TNRC6B: variants seen among roughly 807,000 people sequenced by gnomAD.
TNRC6B encodes the protein trinucleotide repeat-containing gene 6B protein.
TNRC6B carries 52 observed loss-of-function variants against 203.6 expected under a neutral mutation model. The ratio of observed to expected loss-of-function variants is 0.26; its 90% CI spans 0.20 to 0.32. The LOEUF is 0.32. Ranked by LOEUF, TNRC6B falls within the 10% of genes least tolerant of loss-of-function variation. TNRC6B has a pLI of 1.00. For synonymous variants in TNRC6B, 838 were observed against 845.7 expected (o/e 0.99, Z 0.16); for missense variants, 1,923 against 2,286.2 (o/e 0.84, Z 3.24).
chr22:40,209,511 C>T (rs924170214), intron 1 of TNRC6B, among the ~76,000 whole-genome samples: 1 of 152,166 alleles, frequency 6.6e-6, no homozygotes, highest in Admixed American at 6.5e-5. Context: ...CTCTGAACCT[C>T]GGTTCAGGAC....
intron 11 of TNRC6B, among the ~76,000 whole-genome samples, chr22:40,283,410 G>C (rs913932339): frequency 2.0e-5 from 3 of 152,154 alleles, no homozygotes; most frequent in African/African-American, 7.2e-5. Context: ...CCTAGCCTCA[G>C]CCTCCCAAAA....
At chr22:40,318,996 C>T (rs1171402485) in intron 21 of TNRC6B, among the ~76,000 whole-genome samples, 2 of 151,784 alleles carry the variant, frequency 1.3e-5, no homozygotes, top group African/African-American at 4.8e-5. Context: ...CGCTTGAACC[C>T]GGGGGTGAAG....
At chr22:40,188,762 A>T (rs933752013) in intron 1 of TNRC6B, among the ~76,000 whole-genome samples, 1 of 152,114 alleles carries the variant, frequency 6.6e-6, no homozygotes, top group African/African-American at 2.4e-5. Context: ...GCTCTACTAT[A>T]AAAAATTCAA....
chr22:40,151,494 C>A (rs2068753034), intron 3 of TNRC6B, among the ~76,000 whole-genome samples: 1 of 137,186 alleles, frequency 7.3e-6, no homozygotes, highest in Non-Finnish European at 1.5e-5. Flanking sequence ...GAGCTGAGAT[C>A]ATGCTACTAC....
At chr22:40,049,760 A>G (rs1371516923) in intron 1 of TNRC6B, among the ~76,000 whole-genome samples, 3 of 151,952 alleles carry the variant, frequency 2.0e-5, no homozygotes, top group African/African-American at 7.3e-5. Context: ...CACACCACCA[A>G]ATCTGGCTAA....
chr22:40,256,771 AG>A (rs2070285418), intron 3 of TNRC6B, among the ~76,000 whole-genome samples: 1 of 152,232 alleles, frequency 6.6e-6, no homozygotes, highest in African/African-American at 2.4e-5. Context: ...AAGCCCACAC[AG>A]GAAGAGGAAA....
At position 40,053,016 on chromosome 22, in the gene TNRC6B, T is replaced by C. The variant is rs192454936; in HGVS notation, c.-121+8018T>C. ...GGTGTATATGGTATATTTGCTTGGTTGTCTTCATGGGAGCATTTCACCATC... is the reference window on the plus strand; with the variant it reads ...GGTGTATATGGTATATTTGCTTGGTCGTCTTCATGGGAGCATTTCACCATC... On this transcript the variant is annotated intron_variant, in intron 1 of 23. Transcript: ENST00000301923. Among the ~76,000 whole-genome samples the C allele has an allele frequency of 1.9e-3, 283 of 152,296 alleles. 2 individuals are homozygous for C. Among genetic ancestry groups the C allele is most frequent in the Middle Eastern group, 0.014 (4 of 294 alleles).
chr22:40,290,227 AATTTT>A (rs2070851444), intron 12 of TNRC6B, among the ~76,000 whole-genome samples: 1 of 152,212 alleles, frequency 6.6e-6, no homozygotes, highest in Admixed American at 6.5e-5. Flanking sequence ...CTGAATTTTA[AATTTT>A]ATTTTAATTA....
chr22:40,056,811 A>AAG (rs2067800553), intron 1 of TNRC6B, among the ~76,000 whole-genome samples: 1 of 148,332 alleles, frequency 6.7e-6, no homozygotes, highest in Admixed American at 6.6e-5. Flanking sequence ...AAAAAAAAAA[A>AAG]AAAGAAAGAA....
intron 1 of TNRC6B, among the ~76,000 whole-genome samples, chr22:40,210,273 A>C (rs966348469): frequency 6.6e-6 from 1 of 152,196 alleles, no homozygotes; most frequent in African/African-American, 2.4e-5. Flanking sequence ...AAGTGAGATG[A>C]GACAGACAGT....
At chr22:40,081,887 C>T (rs2146289769) in intron 1 of TNRC6B, among the ~76,000 whole-genome samples, 1 of 151,876 alleles carries the variant, frequency 6.6e-6, no homozygotes, top group South Asian at 2.1e-4. Flanking sequence ...AACAACTGTC[C>T]TCAGAACTCT....
intron 1 of TNRC6B, among the ~76,000 whole-genome samples, chr22:40,103,176 G>T (rs1338477573): frequency 1.3e-5 from 2 of 151,980 alleles, no homozygotes; most frequent in African/African-American, 2.4e-5. Context: ...GCTGAGGTAG[G>T]AGAATGGCTT....
intron 3 of TNRC6B, among the ~76,000 whole-genome samples, chr22:40,252,228 G>T (rs768606347): frequency 6.6e-6 from 1 of 152,136 alleles, no homozygotes; most frequent in East Asian, 1.9e-4. Flanking sequence ...GCATAAAATC[G>T]TCAAAATATG....
At chr22:40,256,474 C>G (rs2070279767) in intron 3 of TNRC6B, among the ~76,000 whole-genome samples, 1 of 152,098 alleles carries the variant, frequency 6.6e-6, no homozygotes, top group Non-Finnish European at 1.5e-5. Context: ...TTTGTACTGC[C>G]CATGAGCTAA....
rs1001749889 is a variant in TNRC6B at position 40,329,080 on chromosome 22, C to T, written c.*5839C>T. On this transcript the variant is annotated 3_prime_UTR_variant, in exon 23 of 23. Coordinates refer to ENST00000454349, the MANE Select transcript of TNRC6B (RefSeq NM_001162501.2). ...TTGTTCTTTAATTGTGTTTTTCCTC[C>T]TGTGAGTGGACAACTAAAGCCGCGT... 7 of 152,188 alleles carry T rather than the reference C, an allele frequency of 4.6e-5. No homozygotes were observed. The highest frequency in any genetic ancestry group is 2.1e-4 in the South Asian group (1 of 4,808). The allele number at this position is 152,188 out of a possible 1,614,324, so 9.4% of individuals were successfully genotyped here.
intron 4 of TNRC6B, among the ~76,000 whole-genome samples, chr22:40,156,469 G>C (rs1025050456): frequency 3.3e-5 from 5 of 152,124 alleles, no homozygotes; most frequent in African/African-American, 4.8e-5. Flanking sequence ...AATTCTGTTT[G>C]GTTGATTTCC....
At chr22:40,222,185 C>A (rs1341744870) in intron 1 of TNRC6B, among the ~76,000 whole-genome samples, 1 of 152,102 alleles carries the variant, frequency 6.6e-6, no homozygotes, top group African/African-American at 2.4e-5. Context: ...TACCCATTTG[C>A]GGTCTATTGC....
chr22:40,234,076 A>G (rs996589893), intron 1 of TNRC6B, among the ~76,000 whole-genome samples: 6 of 152,192 alleles, frequency 3.9e-5, no homozygotes, highest in African/African-American at 1.4e-4. Flanking sequence ...GCTTGAGTCC[A>G]GATATTCAAG....
At position 40,329,656 on chromosome 22, in the gene TNRC6B, A is replaced by T. The variant is rs1181258656; in HGVS notation, c.*6415A>T. The T allele has an allele frequency of 2.0e-5, 3 of 151,900 alleles. No individual in the cohort carries two copies. Among genetic ancestry groups the T allele is most frequent in the Non-Finnish European group, 4.4e-5 (3 of 67,968 alleles). 9.4% of individuals were successfully genotyped at this position (151,900 alleles called of 1,614,324 possible). A position where few individuals can be genotyped will look rare whatever the true frequency, so the allele number is the denominator to read the frequency against. On this transcript the variant is annotated 3_prime_UTR_variant, in exon 23 of 23. Transcript: ENST00000454349. ...GACACAGGTCAGGGAGTGGAGAGCT[A>T]CTCCTCCAGCAGCTCAGCACCCACA...
Sources: gnomAD v4.1 joint callset for allele counts (sites outside exome capture counted in the v4.1 genomes callset) on GRCh38, gnomAD v4.1.1 for gene constraint, MANE v1.5 for transcripts, NCBI Gene and HGNC (gene_info 2026-07-23, HGNC 2026-07-21) for gene names.